RBBP5: variants seen among roughly 807,000 people sequenced by gnomAD.
RBBP5 encodes the protein retinoblastoma-binding protein 5.
A neutral mutation model predicts 72.2 loss-of-function variants in RBBP5; 5 were observed. That is an observed-to-expected ratio of 0.07 (90% CI 0.04 to 0.15). The LOEUF (loss-of-function observed/expected upper bound fraction) is 0.15, where lower values mean the gene tolerates loss of function less well. RBBP5 is among the 10% of genes least tolerant of loss of function. The pLI, the probability that RBBP5 is intolerant of heterozygous loss-of-function variation, is 1.00. For missense variants in RBBP5, 322 were observed against 652.2 expected, an observed-to-expected ratio of 0.49 and a Z score of 5.51; for synonymous variants, 209 against 237.2, an observed-to-expected ratio of 0.88 and a Z score of 1.09.
Position 205,114,933 on chromosome 1 carries a change from C to T in RBBP5, c.74G>A (p.Ser25Asn). The T allele has an allele frequency of 6.3e-7, 1 of 1,594,720 alleles. No homozygotes were observed. Among genetic ancestry groups the T allele is most frequent in the East Asian group, 2.2e-5 (1 of 44,554 alleles). The change falls in exon 3 of 14, where the codon AGC (serine) becomes AAC (asparagine). Residue 25 changes from serine (S) to asparagine (N), a missense_variant. Physicochemically the swap from Ser to Asn is conservative, Grantham distance 46. Around this residue, in one of 6 missense-constraint regions of RBBP5, gnomAD observed 20 missense variants for 43.6 expected, o/e 0.46. Coordinates refer to ENST00000264515, the MANE Select transcript of RBBP5 (RefSeq NM_005057.4). ...GTTAAAGGTGCAAGTCAAAGCCATG[C>T]TGATACAATCCAAAGTTCCATCAGC... ...EEADGTLDCI[S>N]MALTCTFNRW...
intron 13 of RBBP5, chr1:205,091,589 T>C (rs539816801): frequency 6.6e-6 from 1 of 152,346 alleles, no homozygotes; most frequent in South Asian, 2.1e-4. Context: ...TCCCTTGAAA[T>C]GCATACTCTC....
At chr1:205,121,194 T>C (rs1271393401) in intron 1 of RBBP5, among the ~76,000 whole-genome samples, 1 of 152,154 alleles carries the variant, frequency 6.6e-6, no homozygotes, top group African/African-American at 2.4e-5. Context: ...CCTACAGTTT[T>C]TAAATAATCT....
intron 3 of RBBP5, among the ~76,000 whole-genome samples, chr1:205,105,709 GAC>G (rs1259682404): frequency 6.6e-6 from 1 of 152,212 alleles, no homozygotes; most frequent in East Asian, 1.9e-4. Context: ...TCTTAAGGAT[GAC>G]ACAGTAGTGA....
At chr1:205,109,292 A>T (rs1656208467) in intron 3 of RBBP5, among the ~76,000 whole-genome samples, 1 of 152,218 alleles carries the variant, frequency 6.6e-6, no homozygotes, top group African/African-American at 2.4e-5. Context: ...AGGGTAAGTT[A>T]AAATTCAAAT....
At position 205,114,909 on chromosome 1, in the gene RBBP5, T is replaced by C; in HGVS notation, c.98A>G (p.Asn33Ser). 1 of 1,593,548 alleles carries C rather than the reference T, an allele frequency of 6.3e-7. No homozygotes were observed. Among genetic ancestry groups the C allele is most frequent in the East Asian group, 2.2e-5 (1 of 44,510 alleles). Reference protein sequence around the residue: ...CISMALTCTFNRWGTLLAVGC... With the variant: ...CISMALTCTFSRWGTLLAVGC... ...AACTGCAAGCAGTGTGCCCCACCTGTTAAAGGTGCAAGTCAAAGCCATGCT... is the reference window on the plus strand; with the variant it reads ...AACTGCAAGCAGTGTGCCCCACCTGCTAAAGGTGCAAGTCAAAGCCATGCT... Residue 33 changes from asparagine (N) to serine (S), a missense_variant, in exon 3 of 14, where the codon AAC (asparagine) becomes AGC (serine). Asn to Ser is a conservative substitution (Grantham distance 46). Around this residue, in one of 6 missense-constraint regions of RBBP5, gnomAD observed 20 missense variants for 43.6 expected, o/e 0.46. Coordinates refer to ENST00000264515, the MANE Select transcript of RBBP5 (RefSeq NM_005057.4).
chr1:205,102,479 G>A (rs931687158), intron 5 of RBBP5, among the ~76,000 whole-genome samples: 1 of 152,134 alleles, frequency 6.6e-6, no homozygotes, highest in African/African-American at 2.4e-5. Flanking sequence ...AAGAGAGAAG[G>A]TCAAAGGGTG....
intron 11 of RBBP5, among the ~76,000 whole-genome samples, 198 bp from the exon 12 acceptor site, chr1:205,097,109 T>C (rs998096824): frequency 3.3e-5 from 5 of 152,182 alleles, no homozygotes; most frequent in African/African-American, 1.2e-4. Flanking sequence ...GATAAATGAA[T>C]TATTTTGGTT....
Position 205,096,829 on chromosome 1 carries a change from C to T in RBBP5, c.1249G>A (p.Gly417Ser). 1.2e-6 allele frequency: 2 copies of T among 1,613,980 alleles called. No individual in the cohort carries two copies. The highest frequency in any genetic ancestry group is 2.2e-5 in the East Asian group (1 of 44,868). ...GTTTGGACTGCATCCGGTGGGGGGC[C>T]GTAAGGATTTTCTTCTGGGTCTTCT... ...EVEDPEENPY[G>S]PPPDAVQTSL... The change falls in exon 12 of 14, where the codon GGC becomes AGC. Residue 417 changes from glycine (G) to serine (S), a missense_variant. By Grantham distance (56) the Gly-to-Ser change is moderately conservative. Transcript: ENST00000264515.
intron 13 of RBBP5, chr1:205,092,025 G>A (rs770816789): frequency 9.2e-5 from 14 of 152,176 alleles, no homozygotes; most frequent in Non-Finnish European, 1.8e-4. Flanking sequence ...ATCAGCAGCA[G>A]GTACCAGTCT....
Position 205,099,192 on chromosome 1 carries a change from A to C in RBBP5, c.979-86T>G, listed in dbSNP as rs1402795171. ...TAATGATAAAATGAAAGATGTGAGC[A>C]TGAAAGGAATTCACAATTCTTAGAT... On this transcript the variant is annotated intron_variant, in intron 9 of 13. Coordinates refer to ENST00000264515, the MANE Select transcript of RBBP5 (RefSeq NM_005057.4). This position sits in a 1 kb window ranked among gnomAD's most constrained non-coding sequence, Gnocchi z 4.7. 1 of 818,180 alleles carries C rather than the reference A, an allele frequency of 1.2e-6. No individual in the cohort carries two copies. The highest frequency in any genetic ancestry group is 2.9e-5 in the East Asian group (1 of 34,210). 50.7% of individuals were successfully genotyped at this position (818,180 alleles called of 1,614,324 possible). A position where few individuals can be genotyped will look rare whatever the true frequency, so the allele number is the denominator to read the frequency against.
Position 205,100,388 on chromosome 1 carries a change from T to G in RBBP5, c.633-117A>C, listed in dbSNP as rs1055795573. The G allele has an allele frequency of 6.4e-6, 8 of 1,244,834 alleles. No individual in the cohort carries two copies. In the Admixed American group the frequency reaches 7.5e-5, roughly 12 times the overall value. 77.1% of individuals were successfully genotyped at this position (1,244,834 alleles called of 1,614,324 possible). ...AAAATCAAAGTAATAGACTAGAATA[T>G]TTATATATCTACTTGTCATCTCCCA... On this transcript the variant is annotated intron_variant, in intron 6 of 13. Coordinates refer to ENST00000264515, the MANE Select transcript of RBBP5 (RefSeq NM_005057.4).
rs1464214733 is a variant in RBBP5, at chr1:205,114,803, T to C, written c.204A>G (p.Pro68=). Residue 68 remains proline, a synonymous_variant, in exon 3 of 14, where the codon CCA becomes CCG. Coordinates refer to ENST00000264515, the MANE Select transcript of RBBP5 (RefSeq NM_005057.4). ...IAKIISAHIH[P]VCSLCWSRDG... ...AAATGTCTTACCATAAAGAACACAC[T>C]GGATGGATGTGTGCACTAATTATTT... The C allele has an allele frequency of 1.3e-6, 2 of 1,543,992 alleles. No homozygotes were observed. Among genetic ancestry groups the C allele is most frequent in the South Asian group, 1.2e-5 (1 of 82,098 alleles).
At position 205,087,333 on chromosome 1, in the gene RBBP5, A is replaced by C. The variant is rs2151209316; in HGVS notation, c.*1454T>G. On this transcript the variant is annotated 3_prime_UTR_variant, in exon 14 of 14. Coordinates refer to ENST00000264515, the MANE Select transcript of RBBP5 (RefSeq NM_005057.4). ...TGACTCAGCCTCCAGTGTAGCTGGG[A>C]TTACAGGCATGTACTACCACGCCCA... The C allele has an allele frequency of 6.6e-6, 1 of 151,824 alleles. No homozygotes were observed. Among genetic ancestry groups the C allele is most frequent in the African/African-American group, 2.4e-5 (1 of 41,384 alleles). 9.4% of individuals were successfully genotyped at this position (151,824 alleles called of 1,614,324 possible). A position where few individuals can be genotyped will look rare whatever the true frequency, so the allele number is the denominator to read the frequency against.
chr1:205,102,790 T>A (rs1396303337), intron 5 of RBBP5, among the ~76,000 whole-genome samples: 1 of 151,584 alleles, frequency 6.6e-6, no homozygotes, highest in African/African-American at 2.4e-5. Context: ...GGTTGGGAGT[T>A]CAAGACCAGC....
chr1:205,087,716 T>TTA lies in RBBP5; in HGVS notation c.*1069_*1070dup, dbSNP rs74848951. The stretch of plus-strand genomic sequence containing the variant: ...TACACATCTATCCAATCTGTTATTT[T>TTA]TATAAAGAACAACAAATGTCAAAAA... On this transcript the variant is annotated 3_prime_UTR_variant, in exon 14 of 14. Transcript: ENST00000264515. 0.8 allele frequency: 121,879 copies of TTA among 152,278 alleles called. 49,947 individuals carry two copies. The highest frequency in any genetic ancestry group is 0.97 in the East Asian group (5,011 of 5,166). 9.4% of individuals were successfully genotyped at this position (152,278 alleles called of 1,614,324 possible).
intron 1 of RBBP5, among the ~76,000 whole-genome samples, chr1:205,120,773 C>A (rs922690060): frequency 1.3e-5 from 2 of 150,908 alleles, no homozygotes; most frequent in Non-Finnish European, 2.9e-5. Context: ...CGGCGCGAGG[C>A]TGTCTTAAAA....
intron 2 of RBBP5, 95 bp from the exon 3 acceptor site, chr1:205,115,056 G>T: frequency 1.7e-6 from 2 of 1,156,572 alleles, no homozygotes; most frequent in Non-Finnish European, 1.2e-6. Flanking sequence ...TACTTTTATT[G>T]AATATAAATT....
intron 10 of RBBP5, among the ~76,000 whole-genome samples, chr1:205,098,676 T>G (rs1197996688): frequency 1.3e-5 from 2 of 151,850 alleles, no homozygotes; most frequent in Non-Finnish European, 2.9e-5. Flanking sequence ...AAACCCCATC[T>G]CTACTAAAAA....
chr1:205,114,047 T>A (rs957309979), intron 3 of RBBP5, among the ~76,000 whole-genome samples: 2 of 152,226 alleles, frequency 1.3e-5, no homozygotes, highest in Non-Finnish European at 2.9e-5. Context: ...GGAAGGAACC[T>A]AAGAGATCAT....
Sources: allele counts gnomAD v4.1 joint callset (sites outside exome capture counted in the v4.1 genomes callset), GRCh38; gene constraint gnomAD v4.1.1; regional missense constraint gnomAD v4.1.1; non-coding constraint Gnocchi (gnomAD v3.1); transcripts MANE v1.5; gene names NCBI Gene and HGNC (gene_info 2026-07-23, HGNC 2026-07-21).